CATSPER3: variants seen among roughly 807,000 people sequenced by gnomAD.
CATSPER3 encodes the protein cation channel sperm-associated protein 3.
In CATSPER3, 23 loss-of-function variants were observed where a neutral mutation model predicts 36.6. The observed-to-expected ratio is 0.63, with a 90% CI of 0.45 to 0.89. CATSPER3 has a LOEUF of 0.89. Ranked by LOEUF, CATSPER3 falls within the 40% of genes least tolerant of loss-of-function variation. The pLI is 0.00. For synonymous variants in CATSPER3, 172 were observed against 184.1 expected (o/e 0.93, Z 0.53); for missense variants, 474 against 503.9 (o/e 0.94, Z 0.57).
chr5:134,991,333 A>G (rs1751876064), intron 2 of CATSPER3, among the ~76,000 whole-genome samples: 1 of 152,222 alleles, frequency 6.6e-6, no homozygotes, highest in Non-Finnish European at 1.5e-5. Flanking sequence ...CCAAATAGCT[A>G]AAACAATATT....
chr5:135,005,483 C>G (rs1024695594), intron 3 of CATSPER3, among the ~76,000 whole-genome samples: 2 of 152,296 alleles, frequency 1.3e-5, no homozygotes, highest in East Asian at 3.9e-4. Context: ...CCCAGAGGCA[C>G]AGAAGTGACC....
chr5:134,982,989 T>G (rs982405300), intron 2 of CATSPER3, among the ~76,000 whole-genome samples: 16 of 152,114 alleles, frequency 1.1e-4, no homozygotes, highest in African/African-American at 3.6e-4. Context: ...TAAAAATAGA[T>G]TGTTATAAAT....
chr5:134,994,991 C>T, intron 2 of CATSPER3, among the ~76,000 whole-genome samples: 1 of 150,222 alleles, frequency 6.7e-6, no homozygotes, highest in Admixed American at 6.7e-5. Flanking sequence ...TCTTTCCTTC[C>T]TCCCTCCCTT....
intron 6 of CATSPER3, among the ~76,000 whole-genome samples, chr5:135,009,784 G>C (rs1752155593): frequency 1.3e-5 from 2 of 152,236 alleles, no homozygotes; most frequent in South Asian, 2.1e-4. Flanking sequence ...TCTGTGCTGA[G>C]GCTTCTTCTT....
In CATSPER3 at chr5:135,007,161, T is replaced by A. The variant is rs139256810; in HGVS notation, c.493-796T>A. Among the ~76,000 whole-genome samples the A allele has an allele frequency of 5.1e-3, 775 of 152,282 alleles. 5 individuals are homozygous for A. The highest frequency in any genetic ancestry group is 0.018 in the African/African-American group (745 of 41,550). ...AGGTGGTGGCATGGGGCAAAGGCTT[T>A]GAGAGTTGGTCCCAGCTCTGCCATT... On this transcript the variant is annotated intron_variant, in intron 3 of 7. Transcript: ENST00000282611.
At chr5:134,990,509 T>C (rs1751865948) in intron 2 of CATSPER3, among the ~76,000 whole-genome samples, 1 of 152,214 alleles carries the variant, frequency 6.6e-6, no homozygotes, top group Non-Finnish European at 1.5e-5. Flanking sequence ...GTTCTCAGCT[T>C]GACTTCTCCC....
intron 2 of CATSPER3, among the ~76,000 whole-genome samples, chr5:134,980,054 T>G (rs976499691): frequency 9.9e-5 from 15 of 151,620 alleles, no homozygotes; most frequent in African/African-American, 1.7e-4. Context: ...TGATCATAGC[T>G]CACTGCAGCC....
At chr5:134,999,271 A>G (rs1041197321) in intron 3 of CATSPER3, among the ~76,000 whole-genome samples, 4 of 152,078 alleles carry the variant, frequency 2.6e-5, no homozygotes, top group African/African-American at 4.8e-5. Context: ...CCATTGGTCT[A>G]TATCTCTGTT....
intron 2 of CATSPER3, among the ~76,000 whole-genome samples, chr5:134,977,656 G>T (rs1490567281): frequency 6.6e-6 from 1 of 152,130 alleles, no homozygotes; most frequent in African/African-American, 2.4e-5. Flanking sequence ...TTCCAAAGCT[G>T]CTTCCACATT....
At chr5:135,009,100 G>C (rs1370466177) in intron 5 of CATSPER3, 119 bp downstream of exon 5, 4 of 1,371,192 alleles carry the variant, frequency 2.9e-6, no homozygotes, top group Non-Finnish European at 3.1e-6. Flanking sequence ...AAGTGGAGTA[G>C]AGGTGGCCAG....
chr5:134,984,819 A>ATTTTTTTT (rs34859369), intron 2 of CATSPER3, among the ~76,000 whole-genome samples: 1 of 144,920 alleles, frequency 6.9e-6, no homozygotes, highest in African/African-American at 2.5e-5. Context: ...ACCTGCATGC[A>ATTTTTTTT]TTTTTTTTTT....
At chr5:134,971,807 T>C (rs1751610666) in intron 2 of CATSPER3, among the ~76,000 whole-genome samples, 1 of 151,930 alleles carries the variant, frequency 6.6e-6, no homozygotes, top group South Asian at 2.1e-4. Flanking sequence ...GTTAGAGACA[T>C]AGAGATGAAG....
intron 2 of CATSPER3, among the ~76,000 whole-genome samples, chr5:134,976,883 C>T (rs556281504): frequency 2.6e-5 from 4 of 152,204 alleles, no homozygotes; most frequent in Non-Finnish European, 5.9e-5. Flanking sequence ...ATGGCCCCAG[C>T]AATATGGGTT....
At chr5:134,991,973 T>G (rs1684714074) in intron 2 of CATSPER3, among the ~76,000 whole-genome samples, 1 of 151,908 alleles carries the variant, frequency 6.6e-6, no homozygotes, top group African/African-American at 2.4e-5. Flanking sequence ...AATACAAAAA[T>G]TAGCCAGGTG....
At chr5:134,991,234 G>A (rs2062984378) in intron 2 of CATSPER3, among the ~76,000 whole-genome samples, 1 of 152,166 alleles carries the variant, frequency 6.6e-6, no homozygotes, top group South Asian at 2.1e-4. Context: ...CAGATACAAT[G>A]CAATTTTTGT....
intron 2 of CATSPER3, among the ~76,000 whole-genome samples, chr5:134,984,485 A>G (rs1164388196): frequency 3.3e-5 from 5 of 152,214 alleles, no homozygotes; most frequent in African/African-American, 1.2e-4. Context: ...TCAAAAGAAG[A>G]TACACAAATG....
At chr5:134,974,962 T>G (rs188948906) in intron 2 of CATSPER3, among the ~76,000 whole-genome samples, 1 of 152,140 alleles carries the variant, frequency 6.6e-6, no homozygotes, top group Admixed American at 6.5e-5. Flanking sequence ...TTTAGGGACC[T>G]GGTTTGCAAG....
intron 3 of CATSPER3, among the ~76,000 whole-genome samples, chr5:135,001,181 T>C (rs956340331): frequency 6.6e-6 from 1 of 152,192 alleles, no homozygotes; most frequent in East Asian, 1.9e-4. Context: ...TTTCGTTATG[T>C]AGTCATTCAG....
At chr5:135,011,172 G>T (rs1561466175) in intron 7 of CATSPER3, among the ~76,000 whole-genome samples, 1 of 152,196 alleles carries the variant, frequency 6.6e-6, no homozygotes, top group Non-Finnish European at 1.5e-5. Flanking sequence ...AATGAAAGCT[G>T]CTTGGAGGGC....
Sources: gnomAD v4.1 joint callset for allele counts (sites outside exome capture counted in the v4.1 genomes callset) on GRCh38, gnomAD v4.1.1 for gene constraint, MANE v1.5 for transcripts, NCBI Gene and HGNC (gene_info 2026-07-23, HGNC 2026-07-21) for gene names.